The following TRIM9 variants were observed in gnomAD, a reference collection of about 807,000 sequenced individuals.
TRIM9 encodes the protein tripartite motif containing 9, also known as E3 ubiquitin-protein ligase TRIM9.
In TRIM9, 26 loss-of-function variants were observed where a neutral mutation model predicts 78.3. The ratio of observed to expected loss-of-function variants is 0.33; its 90% CI spans 0.24 to 0.46. TRIM9 has a LOEUF of 0.46. TRIM9 is among the 20% of genes least tolerant of loss of function. The pLI is 1.00. For synonymous variants in TRIM9, 398 were observed against 416.5 expected (o/e 0.96, Z 0.54); for missense variants, 787 against 1,036.4 (o/e 0.76, Z 3.30).
chr14:51,018,972 A>G (rs554089506), intron 3 of TRIM9, among the ~76,000 whole-genome samples: 49 of 152,378 alleles, frequency 3.2e-4, no homozygotes, highest in African/African-American at 9.9e-4. Flanking sequence ...TCAAATTGTG[A>G]ATGTTACATA....
chr14:51,020,297 G>T (rs140399927), intron 3 of TRIM9, among the ~76,000 whole-genome samples: 1 of 152,342 alleles, frequency 6.6e-6, no homozygotes, highest in African/African-American at 2.4e-5. Context: ...GTGGAGGCCT[G>T]TATCAGTGGT....
intron 1 of TRIM9, among the ~76,000 whole-genome samples, chr14:51,055,941 G>A (rs1017812984): frequency 6.6e-6 from 1 of 152,114 alleles, no homozygotes. Context: ...TCATATAAAT[G>A]TTTTAGACAA....
At chr14:50,996,683 A>G in intron 7 of TRIM9, 1 of 985,390 alleles carries the variant, frequency 1.0e-6, no homozygotes, top group South Asian at 4.7e-5. Flanking sequence ...AGCAGTTAGT[A>G]TGGTATTTTG....
intron 1 of TRIM9, among the ~76,000 whole-genome samples, chr14:51,050,873 A>G (rs1038847281): frequency 6.6e-6 from 1 of 152,098 alleles, no homozygotes; most frequent in African/African-American, 2.4e-5. Context: ...GAGCCACCTT[A>G]GACAGGGATT....
chr14:51,078,879 T>C (rs1002809817), intron 1 of TRIM9, among the ~76,000 whole-genome samples: 12 of 152,176 alleles, frequency 7.9e-5, no homozygotes, highest in African/African-American at 2.7e-4. Context: ...TTTTGTTAAA[T>C]AAGTAGATTT....
chr14:51,003,744 AG>A (rs937743177), intron 5 of TRIM9, among the ~76,000 whole-genome samples: 3 of 151,996 alleles, frequency 2.0e-5, no homozygotes, highest in African/African-American at 4.8e-5. Flanking sequence ...GGGAGTGGAG[AG>A]GAAAAAAAAA....
chr14:51,019,245 T>C (rs1345159917), intron 3 of TRIM9, among the ~76,000 whole-genome samples: 1 of 152,254 alleles, frequency 6.6e-6, no homozygotes, highest in Non-Finnish European at 1.5e-5. Context: ...ACTGCCCAAG[T>C]AGTTCCAAAT....
intron 5 of TRIM9, among the ~76,000 whole-genome samples, chr14:51,006,254 G>A (rs962743062): frequency 3.3e-5 from 5 of 152,238 alleles, no homozygotes; most frequent in South Asian, 2.1e-4. Flanking sequence ...CACAATGGAC[G>A]GATTACTTTA....
rs192809691 is a variant in TRIM9, at chr14:51,011,102, C to T, written c.1042-608G>A. Among the ~76,000 whole-genome samples the T allele has an allele frequency of 4.0e-3, 611 of 152,274 alleles. 3 individuals carry two copies. The highest frequency in any genetic ancestry group is 6.9e-3 in the Non-Finnish European group (472 of 68,022). ...CTAATGAAAAGCTGAAGAAAGAAGA[C>T]GGATGCAGAATTAAGTTTTAAGAAT... On this transcript the variant is annotated intron_variant, in intron 3 of 12. Transcript: ENST00000684578.
At chr14:50,999,417 T>G (rs534359296) in intron 6 of TRIM9, among the ~76,000 whole-genome samples, 5 of 152,040 alleles carry the variant, frequency 3.3e-5, no homozygotes, top group Non-Finnish European at 7.4e-5. Context: ...AAATGGAACC[T>G]GAGGCCCTTA....
At chr14:50,987,828 G>T (rs2052921642) in intron 7 of TRIM9, among the ~76,000 whole-genome samples, 1 of 151,872 alleles carries the variant, frequency 6.6e-6, no homozygotes, top group African/African-American at 2.4e-5. Context: ...TTGAGACAGG[G>T]TCTCACTCTG....
chr14:51,015,677 C>A (rs2057113857), intron 3 of TRIM9, among the ~76,000 whole-genome samples: 1 of 151,686 alleles, frequency 6.6e-6, no homozygotes, highest in South Asian at 2.1e-4. Flanking sequence ...CCCCACCTGG[C>A]TAATGTGTAT....
At chr14:51,048,423 C>G (rs1163181147) in intron 1 of TRIM9, among the ~76,000 whole-genome samples, 1 of 152,234 alleles carries the variant, frequency 6.6e-6, no homozygotes, top group Non-Finnish European at 1.5e-5. Context: ...ATGCTTTCTT[C>G]TTGATGGAGC....
At chr14:51,041,419 A>C (rs374384976) in intron 1 of TRIM9, among the ~76,000 whole-genome samples, 1 of 152,204 alleles carries the variant, frequency 6.6e-6, no homozygotes, top group Non-Finnish European at 1.5e-5. Context: ...GCTGCAGCCC[A>C]CTCTGCTCCT....
intron 1 of TRIM9, among the ~76,000 whole-genome samples, chr14:51,063,066 T>C (rs915127875): frequency 1.3e-5 from 2 of 152,024 alleles, no homozygotes; most frequent in Non-Finnish European, 1.5e-5. Flanking sequence ...GGGAAAGGCC[T>C]CAAAACAGCT....
intron 11 of TRIM9, among the ~76,000 whole-genome samples, chr14:50,981,538 A>G (rs1285812092): frequency 6.6e-6 from 1 of 152,202 alleles, no homozygotes; most frequent in African/African-American, 2.4e-5. Flanking sequence ...TATAATGGAT[A>G]TCCATTGGGA....
chr14:51,000,779 G>A lies in TRIM9; in HGVS notation c.1368C>T (p.Asn456=). The change falls in exon 6 of 13, where the codon AAC becomes AAT. Residue 456 remains asparagine, a synonymous_variant. Transcript: ENST00000684578. ...LQLEECCTHN[N]SATLSWKQPP... ...GCTGTTTCCAGGACAACGTAGCGCT[G>A]TTGTTGTGGGTACAACATTCCTCCA... 6.2e-7 allele frequency: 1 copy of A among 1,614,238 alleles called. No individual in the cohort carries two copies. The highest frequency in any genetic ancestry group is 8.5e-7 in the Non-Finnish European group (1 of 1,180,044).
chr14:50,996,039 G>A, intron 7 of TRIM9: 1 of 953,024 alleles, frequency 1.0e-6, no homozygotes, highest in Non-Finnish European at 1.2e-6. Flanking sequence ...TAGAATGAGG[G>A]AGAAACAAAT....
At chr14:51,071,090 G>A (rs1009818533) in intron 1 of TRIM9, among the ~76,000 whole-genome samples, 1 of 152,080 alleles carries the variant, frequency 6.6e-6, no homozygotes, top group African/African-American at 2.4e-5. Context: ...ACCTAAGAAA[G>A]TGGAGGCGGC....
Sources: allele counts gnomAD v4.1 joint callset (sites outside exome capture counted in the v4.1 genomes callset), GRCh38; gene constraint gnomAD v4.1.1; transcripts MANE v1.5; gene names NCBI Gene and HGNC (gene_info 2026-07-23, HGNC 2026-07-21).